Variants in BRF1 observed in about 807,000 individuals in gnomAD.
BRF1 encodes the protein BRF1 general transcription factor IIIB subunit.
Under a neutral mutation model 81.7 loss-of-function variants are expected in BRF1, and 59 were observed. That is an observed-to-expected ratio of 0.72 (90% confidence interval 0.59 to 0.90). The LOEUF is 0.90. Ranked by LOEUF, BRF1 falls within the 40% of genes least tolerant of loss-of-function variation. The probability of loss-of-function intolerance (pLI) is 0.00; values close to 1 mark genes in which losing one functional copy is unlikely to be tolerated. For missense variants in BRF1, 1,050 were observed against 936.3 expected (o/e 1.12, Z -1.58); for synonymous variants, 491 against 395.6 (o/e 1.24, Z -2.86).
intron 5 of BRF1, chr14:105,249,530 C>G (rs762232052): frequency 6.2e-7 from 1 of 1,604,092 alleles, no homozygotes; most frequent in Non-Finnish European, 8.5e-7. Flanking sequence ...AGGCGGCCTC[C>G]GGAGGCTTCT....
chr14:105,243,222 C>A (rs1311014771), intron 5 of BRF1, among the ~76,000 whole-genome samples: 2 of 150,724 alleles, frequency 1.3e-5, no homozygotes, highest in African/African-American at 2.4e-5. Flanking sequence ...AGGTGGATTG[C>A]CTGAGCTTAG....
intron 7 of BRF1, chr14:105,228,211 C>T (rs1269253737): frequency 6.6e-6 from 1 of 152,400 alleles, no homozygotes; most frequent in East Asian, 1.9e-4. Context: ...CAAAGACAGC[C>T]TCATGCCTGT....
intron 16 of BRF1, chr14:105,211,525 C>G: frequency 5.4e-6 from 3 of 550,658 alleles, no homozygotes. Flanking sequence ...CCAGCCCCTG[C>G]TCCTGTATCC....
At chr14:105,307,251 C>T (rs1393342507) in intron 1 of BRF1, among the ~76,000 whole-genome samples, 1 of 152,080 alleles carries the variant, frequency 6.6e-6, no homozygotes, top group Non-Finnish European at 1.5e-5. Context: ...TGAGTCCCAC[C>T]TGCCTCCTTT....
Position 105,221,761 on chromosome 14 carries a change from C to T in BRF1, c.1202G>A (p.Trp401Ter). 1 of 1,611,324 alleles carries T rather than the reference C, an allele frequency of 6.2e-7. No individual in the cohort carries two copies. Among genetic ancestry groups the T allele is most frequent in the African/African-American group, 1.3e-5 (1 of 74,984 alleles). The part of the protein sequence containing the change: ...GSSEAAGSPE[W>*]GGRPPALGSL... ...CCCCAGGGCCGGAGGTCTGCCGCCC[C>T]ACTCGGGGCTTCCTGCTGCTTCCGA... is the stretch of plus-strand genomic sequence containing the variant. Residue 401 changes from tryptophan to a stop codon, truncating the protein, a stop_gained, in exon 11 of 18, where the codon TGG (tryptophan) becomes TAG (stop). Transcript: ENST00000547530. LOFTEE classifies it high-confidence loss of function.
intron 15 of BRF1, chr14:105,212,449 G>A: frequency 2.4e-6 from 1 of 423,074 alleles, no homozygotes; most frequent in East Asian, 4.6e-5. Flanking sequence ...CAGTGCCTGA[G>A]CCCTCAAGGA....
At position 105,210,349 on chromosome 14, in the gene BRF1, C is replaced by A. The variant is rs1392327525; in HGVS notation, c.*202G>T. 1.3e-5 allele frequency: 8 copies of A among 614,716 alleles called. No homozygotes were observed. The highest frequency in any genetic ancestry group is 2.3e-5 in the Non-Finnish European group (8 of 350,456). 38.1% of individuals were successfully genotyped at this position (614,716 alleles called of 1,614,324 possible). A position where few individuals can be genotyped will look rare whatever the true frequency, so the allele number is the denominator to read the frequency against. ...CCACATCTGATCACACACATGCAGA[C>A]GCTTGGTCCGGTTTCCCTTGCTGAA... is the stretch of plus-strand genomic sequence containing the variant. On this transcript the variant is annotated 3_prime_UTR_variant, in exon 18 of 18. Transcript: ENST00000547530. This position sits in a 1 kb window ranked among gnomAD's most constrained non-coding sequence, Gnocchi z 4.7.
chr14:105,252,320 A>AGCCTCGCACTC (rs2055661142), intron 5 of BRF1, 187 bp downstream of exon 5: 1 of 962,534 alleles, frequency 1.0e-6, no homozygotes, highest in East Asian at 1.2e-4. Context: ...AGCCTGGACA[A>AGCCTCGCACTC]CAGCGAGACT....
At chr14:105,216,060 G>GCA (rs587602022) in intron 15 of BRF1, among the ~76,000 whole-genome samples, 3 of 137,134 alleles carry the variant, frequency 2.2e-5, no homozygotes, top group East Asian at 2.4e-4. Context: ...ACAGACACAG[G>GCA]CACACACACA....
At chr14:105,245,085 G>A (rs587775938) in intron 5 of BRF1, among the ~76,000 whole-genome samples, 3 of 152,168 alleles carry the variant, frequency 2.0e-5, no homozygotes, top group African/African-American at 7.2e-5. Flanking sequence ...TGGGTCAGGC[G>A]TGGTGGCTCA....
chr14:105,272,875 G>T lies in BRF1; in HGVS notation c.285C>A (p.His95Gln), dbSNP rs1218406568. 5.0e-6 allele frequency: 8 copies of T among 1,612,970 alleles called. No homozygotes were observed. Among genetic ancestry groups the T allele is most frequent in the Non-Finnish European group, 6.8e-6 (8 of 1,179,296 alleles). ...GGTTCAGCTGCAGCTGGTTCCCCAG[G>T]TGGTGGATGTGGCGCCTCCCTAGGA... ...TLQNGRRHIH[H>Q]LGNQLQLNQH... Residue 95 changes from histidine to glutamine, a missense_variant, in exon 3 of 18, where the codon CAC (histidine) becomes CAA (glutamine). His to Gln is a conservative substitution (Grantham distance 24). Coordinates refer to ENST00000547530, the MANE Select transcript of BRF1 (RefSeq NM_001519.4).
At chr14:105,308,374 C>T (rs955020392) in intron 1 of BRF1, among the ~76,000 whole-genome samples, 3 of 151,062 alleles carry the variant, frequency 2.0e-5, no homozygotes, top group Non-Finnish European at 2.9e-5. Flanking sequence ...CCCAGCTACT[C>T]GGGAGGCTGA....
intron 4 of BRF1, among the ~76,000 whole-genome samples, chr14:105,254,967 G>A (rs1422742685): frequency 6.6e-6 from 1 of 152,144 alleles, no homozygotes; most frequent in African/African-American, 2.4e-5. Context: ...GGGCAGGTCA[G>A]GGTGGGGCAC....
intron 2 of BRF1, among the ~76,000 whole-genome samples, chr14:105,274,266 T>C (rs982791330): frequency 2.0e-5 from 3 of 152,170 alleles, no homozygotes; most frequent in Non-Finnish European, 2.9e-5. Context: ...TGCCGCATTC[T>C]TCTTGCTGAG....
At chr14:105,295,547 G>A (rs1004232587) in intron 1 of BRF1, among the ~76,000 whole-genome samples, 2 of 151,936 alleles carry the variant, frequency 1.3e-5, no homozygotes, top group African/African-American at 4.8e-5. Flanking sequence ...GGTTACGACT[G>A]CAGTAAGCCA....
intron 5 of BRF1, chr14:105,250,685 G>C: frequency 6.3e-7 from 1 of 1,596,094 alleles, no homozygotes. Context: ...TGCCCGGGGA[G>C]GCTGCAGCAG....
intron 3 of BRF1, among the ~76,000 whole-genome samples, chr14:105,268,794 G>A (rs2056536758): frequency 6.6e-6 from 1 of 152,194 alleles, no homozygotes; most frequent in Admixed American, 6.5e-5. Flanking sequence ...GAGGTGGGGT[G>A]GTGGGTGCTG....
rs773705469 is a variant in BRF1 at position 105,248,573 on chromosome 14, G to GTA, written c.544+3933_544+3934insTA. ...GGCGCCGCGGCGGGTACGGGCTCGG[G>GTA]CGGGCGGGCGGGCGGGACGGCGCCC... On this transcript the variant is annotated intron_variant, in intron 5 of 17. Coordinates refer to ENST00000547530, the MANE Select transcript of BRF1 (RefSeq NM_001519.4). The GTA allele has an allele frequency of 7.0e-5, 19 of 272,616 alleles. No homozygotes were observed. In the East Asian group the frequency reaches 8.4e-3, roughly 120 times the overall value. 16.9% of individuals were successfully genotyped at this position (272,616 alleles called of 1,614,324 possible).
At chr14:105,248,560 G>GGTACGGGCTC in intron 5 of BRF1, 3 of 917,268 alleles carry the variant, frequency 3.3e-6, no homozygotes, top group Non-Finnish European at 3.9e-6. Context: ...CGCCGCGGCG[G>GGTACGGGCTC]GTACGGGCTC....
Sources: allele counts gnomAD v4.1 joint callset (sites outside exome capture counted in the v4.1 genomes callset), GRCh38; gene constraint gnomAD v4.1.1; non-coding constraint Gnocchi (gnomAD v3.1); transcripts MANE v1.5; gene names NCBI Gene and HGNC (gene_info 2026-07-23, HGNC 2026-07-21).